The following SBF2 variants were observed in gnomAD, a reference collection of about 807,000 sequenced individuals.
The protein encoded by SBF2 is SET binding factor 2.
A neutral mutation model predicts 225.2 loss-of-function variants in SBF2; 112 were observed. The observed-to-expected ratio is 0.50, with a 90% CI of 0.43 to 0.58. The LOEUF (loss-of-function observed/expected upper bound fraction) is 0.58, where lower values mean the gene tolerates loss of function less well. SBF2 is among the 20% of genes least tolerant of loss of function. The pLI is 0.00. For synonymous variants in SBF2, 763 were observed against 773.3 expected, an observed-to-expected ratio of 0.99 and a Z score of 0.22; for missense variants, 1,996 against 2,206.2, an observed-to-expected ratio of 0.90 and a Z score of 1.91.
At chr11:9,877,394 T>C (rs1859344351) in intron 17 of SBF2, among the ~76,000 whole-genome samples, 1 of 152,202 alleles carries the variant, frequency 6.6e-6, no homozygotes, top group African/African-American at 2.4e-5. Context: ...TAATTAAACC[T>C]AAATAATTTT....
At chr11:9,812,128 G>A (rs1048049980) in intron 30 of SBF2, among the ~76,000 whole-genome samples, 8 of 151,966 alleles carry the variant, frequency 5.3e-5, no homozygotes, top group Non-Finnish European at 1.2e-4. Context: ...ACCTGGGATA[G>A]GCAGACAAAT....
intron 6 of SBF2, among the ~76,000 whole-genome samples, chr11:10,013,967 TA>T (rs1398140060): frequency 6.6e-6 from 1 of 152,196 alleles, no homozygotes; most frequent in Non-Finnish European, 1.5e-5. Context: ...CTACTGTCCT[TA>T]ATTTTTCTGG....
intron 2 of SBF2, among the ~76,000 whole-genome samples, chr11:10,111,025 C>T (rs1952814023): frequency 6.6e-6 from 1 of 152,048 alleles, no homozygotes; most frequent in Admixed American, 6.6e-5. Context: ...AGTAGCTAGT[C>T]ATATATCAAT....
intron 1 of SBF2, among the ~76,000 whole-genome samples, chr11:10,204,240 C>CA (rs200904886): frequency 0.012 from 1,091 of 90,918 alleles, 10 homozygotes; most frequent in African/African-American, 0.031. Context: ...ATACTGAAAG[C>CA]AAAAAAAAAA....
intron 1 of SBF2, among the ~76,000 whole-genome samples, chr11:10,274,771 AAGAATT>A (rs1962823114): frequency 1.3e-5 from 2 of 151,092 alleles, no homozygotes; most frequent in Non-Finnish European, 3.0e-5. Context: ...AAAAAAAAGA[AAGAATT>A]AGAAAGTTTC....
At chr11:9,799,282 GC>G in intron 32 of SBF2, among the ~76,000 whole-genome samples, 1 of 152,188 alleles carries the variant, frequency 6.6e-6, no homozygotes. Flanking sequence ...CTACAGTTAT[GC>G]TAGAAAGGTT....
intron 14 of SBF2, among the ~76,000 whole-genome samples, chr11:9,967,967 CTCTCTATATATA>C (rs1468357794): frequency 0.024 from 2,153 of 90,600 alleles, 25 homozygotes; most frequent in South Asian, 0.038. Flanking sequence ...CTCTCTCTCT[CTCTCTATATATA>C]TATATATATA....
At position 10,199,654 on chromosome 11, in the gene SBF2, T is replaced by G. The variant is rs1019887847; in HGVS notation, c.56-5667A>C. 5.3e-5 allele frequency among the ~76,000 whole-genome samples: 8 copies of G among 152,248 alleles called. No individual in the cohort carries two copies. In the South Asian group the frequency reaches 1.0e-3, roughly 20 times the overall value. ...ATTTGAAGCAAAAAGTAAAGCCAGG[T>G]GCACTGGCTCACACCTGTAATCCCA... On this transcript the variant is annotated intron_variant, in intron 1 of 39. Transcript: ENST00000256190.
chr11:9,950,543 T>C (rs182837625), intron 16 of SBF2, among the ~76,000 whole-genome samples: 4 of 152,314 alleles, frequency 2.6e-5, no homozygotes, highest in South Asian at 2.1e-4. Context: ...GCTATGATGA[T>C]TGTAACTCAG....
At chr11:10,231,178 T>G (rs1958826271) in intron 1 of SBF2, among the ~76,000 whole-genome samples, 1 of 152,186 alleles carries the variant, frequency 6.6e-6, no homozygotes, top group African/African-American at 2.4e-5. Flanking sequence ...TTTAAGGACT[T>G]CTCAGTATTG....
intron 2 of SBF2, among the ~76,000 whole-genome samples, chr11:10,109,758 G>T (rs1952745741): frequency 6.6e-6 from 1 of 152,176 alleles, no homozygotes; most frequent in African/African-American, 2.4e-5. Context: ...TCATTACCTA[G>T]TAAGTTTAAC....
intron 2 of SBF2, among the ~76,000 whole-genome samples, chr11:10,186,196 T>C (rs1956928365): frequency 6.6e-6 from 1 of 152,170 alleles, no homozygotes; most frequent in South Asian, 2.1e-4. Context: ...GAGTGAGGTA[T>C]GGCAGGGACC....
chr11:10,265,576 T>C (rs1358891439), intron 1 of SBF2, among the ~76,000 whole-genome samples: 2 of 151,630 alleles, frequency 1.3e-5, no homozygotes, highest in Non-Finnish European at 2.9e-5. Context: ...ACAGTCAATA[T>C]AAAAAATCTA....
At chr11:10,033,707 T>C (rs984610456) in intron 3 of SBF2, among the ~76,000 whole-genome samples, 7 of 149,976 alleles carry the variant, frequency 4.7e-5, no homozygotes, top group Admixed American at 6.6e-5. Context: ...AAACCCCAAA[T>C]TTATTAGGTA....
chr11:10,033,765 T>C (rs1233537573), intron 3 of SBF2, among the ~76,000 whole-genome samples: 1 of 152,120 alleles, frequency 6.6e-6, no homozygotes, highest in Non-Finnish European at 1.5e-5. Context: ...TGATAAAATT[T>C]TTCTAGAAAT....
At chr11:10,111,769 C>G (rs575276254) in intron 2 of SBF2, among the ~76,000 whole-genome samples, 2 of 152,166 alleles carry the variant, frequency 1.3e-5, no homozygotes, top group Non-Finnish European at 2.9e-5. Flanking sequence ...CCCAGCTACT[C>G]AGGAGGCTGA....
At chr11:9,963,585 C>G (rs1016095065) in intron 15 of SBF2, among the ~76,000 whole-genome samples, 188 bp downstream of exon 15, 3 of 152,022 alleles carry the variant, frequency 2.0e-5, no homozygotes, top group African/African-American at 7.2e-5. Flanking sequence ...TTCTGGTGGT[C>G]ATATAATTAA....
intron 6 of SBF2, among the ~76,000 whole-genome samples, chr11:10,021,952 G>GA (rs550429078): frequency 8.6e-4 from 131 of 152,048 alleles, no homozygotes; most frequent in African/African-American, 3.1e-3. Context: ...TTCTTTCCCA[G>GA]AAAAAAGTGA....
intron 16 of SBF2, among the ~76,000 whole-genome samples, chr11:9,938,119 G>A (rs184472940): frequency 7.6e-4 from 115 of 151,856 alleles, no homozygotes; most frequent in African/African-American, 2.3e-3. Flanking sequence ...GTGAAACCCC[G>A]TCTCCACTAA....
Sources: allele counts gnomAD v4.1 joint callset (sites outside exome capture counted in the v4.1 genomes callset), GRCh38; gene constraint gnomAD v4.1.1; transcripts MANE v1.5; gene names NCBI Gene and HGNC (gene_info 2026-07-23, HGNC 2026-07-21).